FHIT: variants seen among roughly 807,000 people sequenced by gnomAD.
The protein encoded by FHIT is bis(5'-adenosyl)-triphosphatase.
In FHIT, 19 loss-of-function variants were observed where a neutral mutation model predicts 17.9. The observed-to-expected ratio is 1.06, with a 90% CI of 0.74 to 1.56. FHIT has a LOEUF of 1.56. Ranked by LOEUF, FHIT falls within the 40% of genes most tolerant of loss-of-function variation. The probability of loss-of-function intolerance (pLI) is 0.00; values close to 1 mark genes in which losing one functional copy is unlikely to be tolerated. For synonymous variants in FHIT, 81 were observed against 69.7 expected, an observed-to-expected ratio of 1.16 and a Z score of -0.81; for missense variants, 248 against 189.2, an observed-to-expected ratio of 1.31 and a Z score of -1.82.
intron 5 of FHIT, among the ~76,000 whole-genome samples, chr3:60,016,430 T>C (rs532189086): frequency 2.6e-5 from 4 of 152,250 alleles, no homozygotes; most frequent in African/African-American, 7.2e-5. Context: ...ACTTTAAAAA[T>C]TGGGGAGTGA....
At chr3:60,438,115 A>C (rs1026136411) in intron 5 of FHIT, among the ~76,000 whole-genome samples, 3 of 152,048 alleles carry the variant, frequency 2.0e-5, no homozygotes, top group Non-Finnish European at 2.9e-5. Context: ...CGTACAGTCA[A>C]AACAATAAGC....
At chr3:60,061,923 G>A (rs1034691589) in intron 5 of FHIT, among the ~76,000 whole-genome samples, 4 of 152,046 alleles carry the variant, frequency 2.6e-5, no homozygotes, top group Non-Finnish European at 1.5e-5. Context: ...AGAGAAATTG[G>A]CAAAACAACA....
chr3:60,209,345 G>GATGATGAC (rs921475926), intron 5 of FHIT, among the ~76,000 whole-genome samples: 5 of 152,274 alleles, frequency 3.3e-5, no homozygotes, highest in Admixed American at 3.3e-4. Flanking sequence ...TGGCTAGGGA[G>GATGATGAC]ATGATGACAT....
chr3:60,104,498 CAACA>C (rs1466453411), intron 5 of FHIT, among the ~76,000 whole-genome samples: 1 of 112,814 alleles, frequency 8.9e-6, no homozygotes, highest in African/African-American at 3.3e-5. Context: ...TTTTTTTTTA[CAACA>C]ATCAGTGGGC....
At chr3:59,950,050 C>T (rs1707036780) in intron 7 of FHIT, among the ~76,000 whole-genome samples, 1 of 152,112 alleles carries the variant, frequency 6.6e-6, no homozygotes, top group Non-Finnish European at 1.5e-5. Context: ...CAATTCTAGC[C>T]CTGCTTCCTG....
intron 5 of FHIT, among the ~76,000 whole-genome samples, chr3:60,279,154 G>A (rs946527338): frequency 6.6e-6 from 1 of 151,672 alleles, no homozygotes; most frequent in Non-Finnish European, 1.5e-5. Context: ...GGCTAACCAG[G>A]AAAAAAAGAG....
chr3:60,546,662 T>G (rs1038784655), intron 4 of FHIT, among the ~76,000 whole-genome samples: 7 of 152,220 alleles, frequency 4.6e-5, no homozygotes, highest in Admixed American at 1.3e-4. Context: ...TTTCCCTTTC[T>G]GGCCTTTAGT....
intron 2 of FHIT, among the ~76,000 whole-genome samples, chr3:61,158,844 C>T (rs2037607546): frequency 6.6e-6 from 1 of 152,100 alleles, no homozygotes. Flanking sequence ...AATCACATTG[C>T]CAGACACCAT....
chr3:60,567,239 A>G (rs1245342292), intron 4 of FHIT, among the ~76,000 whole-genome samples: 3 of 152,122 alleles, frequency 2.0e-5, no homozygotes, highest in African/African-American at 7.2e-5. Context: ...CCAAAACAGC[A>G]TGGTACTGGT....
intron 4 of FHIT, among the ~76,000 whole-genome samples, chr3:60,672,904 T>TGTGTGTGC (rs1159104600): frequency 8.1e-4 from 123 of 151,456 alleles, no homozygotes; most frequent in African/African-American, 2.9e-3. Flanking sequence ...TGTGTGTGTG[T>TGTGTGTGC]GTGCATGCAT....
chr3:60,460,544 CAAT>C (rs2032396185), intron 5 of FHIT, among the ~76,000 whole-genome samples: 1 of 152,076 alleles, frequency 6.6e-6, no homozygotes, highest in South Asian at 2.1e-4. Flanking sequence ...TAAAAAATCC[CAAT>C]AATATTATAA....
At chr3:61,004,543 T>C (rs564352428) in intron 3 of FHIT, among the ~76,000 whole-genome samples, 26 of 152,208 alleles carry the variant, frequency 1.7e-4, no homozygotes, top group Non-Finnish European at 7.3e-5. Context: ...GAAGGAGCAC[T>C]GACCAGAACT....
rs1358926163 is a variant in FHIT, at chr3:60,522,926, G to T, written c.103+13934C>A. ...CTGGGTAATTTATAAAGAAAAAGAG[G>T]TTTAATAGACTCATAGTTCCACGTG... On this transcript the variant is annotated intron_variant, in intron 5 of 9. Transcript: ENST00000492590. 5.9e-5 allele frequency among the ~76,000 whole-genome samples: 9 copies of T among 152,280 alleles called. No homozygotes were observed. The East Asian group carries it at 1.7e-3, about 29-fold the overall frequency.
intron 2 of FHIT, among the ~76,000 whole-genome samples, chr3:61,160,261 A>C (rs115574212): frequency 6.7e-6 from 1 of 148,302 alleles, no homozygotes; most frequent in Non-Finnish European, 1.5e-5. Flanking sequence ...CAAGTGCCTC[A>C]TGTGATTCTG....
rs188245774 is a variant in FHIT, at chr3:60,006,006, A to C, written c.279+5365T>G. ...ATCAGAATCACTTGTGGTGTCTGTT[A>C]GGACAGAGTCCTAGGCCCCACATCA... On this transcript the variant is annotated intron_variant, in intron 7 of 9. Transcript: ENST00000492590. Among the ~76,000 whole-genome samples, 277 of 152,282 alleles carry C rather than the reference A, an allele frequency of 1.8e-3. 2 individuals are homozygous for C. Among genetic ancestry groups the C allele is most frequent in the African/African-American group, 6.3e-3 (263 of 41,560 alleles).
chr3:60,640,799 A>C (rs1553685115), intron 4 of FHIT, among the ~76,000 whole-genome samples: 1 of 152,242 alleles, frequency 6.6e-6, no homozygotes, highest in Non-Finnish European at 1.5e-5. Context: ...CTGTGATTAC[A>C]TTTAAAGTCC....
intron 4 of FHIT, among the ~76,000 whole-genome samples, chr3:60,565,559 C>G (rs923803670): frequency 6.6e-6 from 1 of 152,114 alleles, no homozygotes; most frequent in Non-Finnish European, 1.5e-5. Flanking sequence ...AAATTAGTTA[C>G]ACAACAAAAT....
intron 3 of FHIT, among the ~76,000 whole-genome samples, chr3:60,926,344 A>G (rs1707611141): frequency 6.6e-6 from 1 of 152,224 alleles, no homozygotes; most frequent in Non-Finnish European, 1.5e-5. Flanking sequence ...AACAGAAATT[A>G]TAACAAACTA....
At chr3:60,801,933 A>C (rs1163915841) in intron 4 of FHIT, among the ~76,000 whole-genome samples, 1 of 152,256 alleles carries the variant, frequency 6.6e-6, no homozygotes, top group Non-Finnish European at 1.5e-5. Flanking sequence ...AAATTCCTAC[A>C]TTGAAAGAAA....
Sources: allele counts gnomAD v4.1 joint callset (sites outside exome capture counted in the v4.1 genomes callset), GRCh38; gene constraint gnomAD v4.1.1; transcripts MANE v1.5; gene names NCBI Gene and HGNC (gene_info 2026-07-23, HGNC 2026-07-21).